ACTL8: variants seen among roughly 807,000 people sequenced by gnomAD.
ACTL8 encodes the protein actin-like protein 8.
A neutral mutation model predicts 9.3 loss-of-function variants in ACTL8; 3 were observed. That is an observed-to-expected ratio of 0.32 (90% CI 0.15 to 0.83). The LOEUF is 0.83. ACTL8 is among the 40% of genes least tolerant of loss of function. The probability of loss-of-function intolerance (pLI) is 0.57; values close to 1 mark genes in which losing one functional copy is unlikely to be tolerated. For missense variants in ACTL8, 381 were observed against 492.2 expected, an observed-to-expected ratio of 0.77 and a Z score of 2.14; for synonymous variants, 224 against 205.9, an observed-to-expected ratio of 1.09 and a Z score of -0.75.
At chr1:17,772,816 T>A (rs1387470215) in intron 1 of ACTL8, among the ~76,000 whole-genome samples, 1 of 151,964 alleles carries the variant, frequency 6.6e-6, no homozygotes, top group Non-Finnish European at 1.5e-5. Flanking sequence ...CCAGGCAGTC[T>A]AAGAACCGCT....
rs1222099512 is a variant in ACTL8, at chr1:17,762,476, C to T, written c.-25+6972C>T. ...ACCGAGAGTCAGCTGTTAAAAGGCT[C>T]ACACCTGGGCCGGGAGCCATCCGAA... On this transcript the variant is annotated intron_variant, in intron 1 of 2. Transcript: ENST00000375406. Among the ~76,000 whole-genome samples the T allele has an allele frequency of 3.3e-5, 5 of 152,292 alleles. No individual in the cohort carries two copies. The East Asian group carries it at 9.7e-4, about 29-fold the overall frequency.
At chr1:17,816,898 G>A (rs920735790) in intron 1 of ACTL8, among the ~76,000 whole-genome samples, 6 of 152,126 alleles carry the variant, frequency 3.9e-5, no homozygotes, top group Non-Finnish European at 7.4e-5. Context: ...TGGCTGTGCT[G>A]GAAACTTGTC....
At chr1:17,804,944 C>T (rs982499114) in intron 1 of ACTL8, among the ~76,000 whole-genome samples, 1 of 152,006 alleles carries the variant, frequency 6.6e-6, no homozygotes, top group African/African-American at 2.4e-5. Flanking sequence ...AACCCAGCAG[C>T]CAGTGTCATT....
intron 1 of ACTL8, among the ~76,000 whole-genome samples, chr1:17,821,939 T>A (rs1162476406): frequency 1.3e-5 from 2 of 152,206 alleles, no homozygotes; most frequent in Non-Finnish European, 2.9e-5. Flanking sequence ...ACTATTCTTT[T>A]ACCAGTACCT....
At chr1:17,793,070 T>TGGTGTCTTC (rs1323512217) in intron 1 of ACTL8, among the ~76,000 whole-genome samples, 1 of 152,162 alleles carries the variant, frequency 6.6e-6, no homozygotes, top group Non-Finnish European at 1.5e-5. Flanking sequence ...CTGTCCTGAG[T>TGGTGTCTTC]GGTGTCTTCT....
At chr1:17,793,523 T>C (rs1335453077) in intron 1 of ACTL8, among the ~76,000 whole-genome samples, 1 of 152,182 alleles carries the variant, frequency 6.6e-6, no homozygotes, top group African/African-American at 2.4e-5. Flanking sequence ...TTTCCGGCCA[T>C]TTCCAGTTAA....
intron 1 of ACTL8, among the ~76,000 whole-genome samples, chr1:17,820,307 T>A (rs994180811): frequency 2.6e-5 from 4 of 152,188 alleles, no homozygotes; most frequent in Non-Finnish European, 5.9e-5. Context: ...ATTTGAGATT[T>A]ATGCACATAT....
chr1:17,787,249 C>T (rs1429555536), intron 1 of ACTL8, among the ~76,000 whole-genome samples: 1 of 152,042 alleles, frequency 6.6e-6, no homozygotes, highest in African/African-American at 2.4e-5. Context: ...ATCCTCCCAC[C>T]TCAATAGCTG....
chr1:17,788,088 G>C (rs573529839), intron 1 of ACTL8, among the ~76,000 whole-genome samples: 25 of 152,142 alleles, frequency 1.6e-4, no homozygotes, highest in African/African-American at 5.3e-4. Context: ...TCCCCGTTGG[G>C]TCCTCTGCCC....
At chr1:17,817,710 C>CT (rs55910327) in intron 1 of ACTL8, among the ~76,000 whole-genome samples, 1 of 149,718 alleles carries the variant, frequency 6.7e-6, no homozygotes, top group Non-Finnish European at 1.5e-5. Context: ...TCTTTCTTTT[C>CT]TTTTTTTCGA....
intron 1 of ACTL8, among the ~76,000 whole-genome samples, chr1:17,820,429 A>G (rs1557448084): frequency 1.3e-5 from 2 of 152,076 alleles, no homozygotes; most frequent in African/African-American, 4.8e-5. Context: ...GTTGGTTTCT[A>G]TTTTTGGCAG....
intron 1 of ACTL8, among the ~76,000 whole-genome samples, chr1:17,821,905 C>A (rs563893364): frequency 2.6e-5 from 4 of 152,190 alleles, no homozygotes; most frequent in African/African-American, 9.7e-5. Context: ...AGATTACATG[C>A]GTGAACCACC....
rs190131277 is a variant in ACTL8, at chr1:17,766,381, G to A, written c.-25+10877G>A. Among the ~76,000 whole-genome samples, 24 of 152,276 alleles carry A rather than the reference G, an allele frequency of 1.6e-4. No individual in the cohort carries two copies. In the East Asian group the frequency reaches 3.9e-3, roughly 25 times the overall value. On this transcript the variant is annotated intron_variant, in intron 1 of 2. Coordinates refer to ENST00000375406, the MANE Select transcript of ACTL8 (RefSeq NM_030812.3). Reference sequence around the variant, plus strand: ...CATTCCTTGAAATTGTACAGCGTATGAGTGGCAGAGCCTGGCTCAAACCCG... The same window carrying A: ...CATTCCTTGAAATTGTACAGCGTATAAGTGGCAGAGCCTGGCTCAAACCCG...
intron 2 of ACTL8, among the ~76,000 whole-genome samples, chr1:17,824,118 A>G (rs908109577): frequency 2.4e-4 from 33 of 138,528 alleles, no homozygotes; most frequent in African/African-American, 8.5e-4. Flanking sequence ...TTCAGCAGCA[A>G]GAGCGGCAAG....
intron 1 of ACTL8, among the ~76,000 whole-genome samples, chr1:17,788,957 A>G: frequency 6.6e-6 from 1 of 152,232 alleles, no homozygotes; most frequent in East Asian, 1.9e-4. Context: ...TGGTCATCAA[A>G]GAGGTATACA....
rs539595451 is a variant in ACTL8 at position 17,805,230 on chromosome 1, C to G, written c.-24-17755C>G. On this transcript the variant is annotated intron_variant, in intron 1 of 2. Transcript: ENST00000375406. ...GTCTGTGTGCTTCCTGCCCTCACTACTTTGGGGTCTTGGCCAACTGGGACC... is the reference window on the plus strand; with the variant it reads ...GTCTGTGTGCTTCCTGCCCTCACTAGTTTGGGGTCTTGGCCAACTGGGACC... Among the ~76,000 whole-genome samples the G allele has an allele frequency of 1.6e-4, 25 of 152,208 alleles. No individual in the cohort carries two copies. The East Asian group carries it at 4.4e-3, about 27-fold the overall frequency.
intron 1 of ACTL8, among the ~76,000 whole-genome samples, chr1:17,783,208 C>G (rs763301205): frequency 2.0e-5 from 3 of 152,118 alleles, no homozygotes; most frequent in Non-Finnish European, 4.4e-5. Flanking sequence ...CAAATCTCAT[C>G]TTGAATTTCC....
At chr1:17,805,089 C>G (rs989022855) in intron 1 of ACTL8, among the ~76,000 whole-genome samples, 7 of 152,274 alleles carry the variant, frequency 4.6e-5, no homozygotes, top group Admixed American at 3.3e-4. Flanking sequence ...GCGCACCTCA[C>G]TTCTCCAGGA....
chr1:17,775,360 T>TGGA (rs146332258), intron 1 of ACTL8, among the ~76,000 whole-genome samples: 4 of 81,432 alleles, frequency 4.9e-5, no homozygotes, highest in African/African-American at 9.6e-5. Flanking sequence ...TGCCTGGAAC[T>TGGA]GGAGGAGGAG....
Sources: allele counts gnomAD v4.1 joint callset (sites outside exome capture counted in the v4.1 genomes callset), GRCh38; gene constraint gnomAD v4.1.1; transcripts MANE v1.5; gene names NCBI Gene and HGNC (gene_info 2026-07-23, HGNC 2026-07-21).